LINGO2: variants seen among roughly 807,000 people sequenced by gnomAD.
LINGO2 encodes the protein leucine rich repeat and Ig domain containing 2, also known as leucine-rich repeat and immunoglobulin-like domain-containing nogo receptor-interacting protein 2.
Under a neutral mutation model 30.6 loss-of-function variants are expected in LINGO2, and 14 were observed. The ratio of observed to expected loss-of-function variants is 0.46; its 90% CI spans 0.30 to 0.72. The LOEUF (loss-of-function observed/expected upper bound fraction) is 0.72, where lower values mean the gene tolerates loss of function less well. LINGO2 is among the 30% of genes least tolerant of loss of function. The pLI, the probability that LINGO2 is intolerant of heterozygous loss-of-function variation, is 0.07. For missense variants in LINGO2, 729 were observed against 751.7 expected (o/e 0.97, Z 0.35); for synonymous variants, 317 against 288.5 (o/e 1.10, Z -1.00).
chr9:28,215,309 G>T (rs1278818896), intron 4 of LINGO2, among the ~76,000 whole-genome samples: 2 of 151,854 alleles, frequency 1.3e-5, no homozygotes, highest in African/African-American at 4.8e-5. Flanking sequence ...TAGTAGAAGG[G>T]AAAAGTGCTG....
the LINGO2 span, among the ~76,000 whole-genome samples, chr9:28,797,960 G>A: frequency 2.0e-3 from 306 of 152,112 alleles, 1 homozygote; most frequent in African/African-American, 7.0e-3. Flanking sequence ...TACCTTAGAA[G>A]CTCAATGAAG....
At chr9:28,821,588 G>A in the LINGO2 span, among the ~76,000 whole-genome samples, 7 of 152,164 alleles carry the variant, frequency 4.6e-5, no homozygotes, top group Non-Finnish European at 1.0e-4. Context: ...AGAACGTTGT[G>A]AAAAAGTACT....
At chr9:28,302,476 C>T (rs1488745977) in intron 3 of LINGO2, among the ~76,000 whole-genome samples, 1 of 152,148 alleles carries the variant, frequency 6.6e-6, no homozygotes, top group East Asian at 1.9e-4. Context: ...CTCAGGAGTT[C>T]GAGATCAGCC....
the LINGO2 span, among the ~76,000 whole-genome samples, chr9:29,173,502 T>A: frequency 6.6e-6 from 1 of 152,160 alleles, no homozygotes; most frequent in African/African-American, 2.4e-5. Flanking sequence ...CTTTGATCTC[T>A]GTGAGATTTT....
At chr9:28,928,114 C>A in the LINGO2 span, among the ~76,000 whole-genome samples, 1 of 152,286 alleles carries the variant, frequency 6.6e-6, no homozygotes, top group Non-Finnish European at 1.5e-5. Context: ...TCCAAGATTT[C>A]TTGTTTCACA....
chr9:28,349,213 G>A (rs1258784310), intron 3 of LINGO2, among the ~76,000 whole-genome samples: 1 of 151,968 alleles, frequency 6.6e-6, no homozygotes, highest in Non-Finnish European at 1.5e-5. Flanking sequence ...GCTACGGGAG[G>A]ACATTCAAAC....
chr9:28,906,321 A>C, the LINGO2 span, among the ~76,000 whole-genome samples: 155 of 152,122 alleles, frequency 1.0e-3, no homozygotes, highest in African/African-American at 3.5e-3. Flanking sequence ...ACAAAAAGTA[A>C]GTATGTGAGT....
At chr9:28,632,736 ATATT>A (rs1186476156) in intron 1 of LINGO2, among the ~76,000 whole-genome samples, 1 of 136,392 alleles carries the variant, frequency 7.3e-6, no homozygotes, top group African/African-American at 2.8e-5. Flanking sequence ...ATAGATCTAT[ATATT>A]TATATATAGA....
intron 4 of LINGO2, among the ~76,000 whole-genome samples, chr9:28,230,007 C>T (rs1821302309): frequency 6.6e-6 from 1 of 151,638 alleles, no homozygotes; most frequent in Non-Finnish European, 1.5e-5. Context: ...CAAACAAAAC[C>T]GACTTCTCAG....
intron 5 of LINGO2, among the ~76,000 whole-genome samples, chr9:28,010,166 C>T (rs1478363285): frequency 6.6e-6 from 1 of 152,078 alleles, no homozygotes; most frequent in African/African-American, 2.4e-5. Context: ...CATAAAATGT[C>T]CATAGAGGAA....
intron 5 of LINGO2, among the ~76,000 whole-genome samples, chr9:27,958,340 G>T (rs943971152): frequency 6.6e-6 from 1 of 151,946 alleles, no homozygotes; most frequent in Non-Finnish European, 1.5e-5. Context: ...ATATTTTTTG[G>T]AATTGTTCTG....
chr9:28,628,280 T>C (rs1179108352), intron 1 of LINGO2, among the ~76,000 whole-genome samples: 1 of 152,078 alleles, frequency 6.6e-6, no homozygotes, highest in African/African-American at 2.4e-5. Flanking sequence ...CTGCATATAA[T>C]ATATCTTTGA....
At chr9:28,618,754 C>T (rs1826253794) in intron 1 of LINGO2, among the ~76,000 whole-genome samples, 1 of 152,102 alleles carries the variant, frequency 6.6e-6, no homozygotes, top group Non-Finnish European at 1.5e-5. Flanking sequence ...CTAAAGGAGA[C>T]ACCAAGTTAC....
At chr9:28,815,219 T>C in the LINGO2 span, among the ~76,000 whole-genome samples, 1 of 152,168 alleles carries the variant, frequency 6.6e-6, no homozygotes, top group Non-Finnish European at 1.5e-5. Flanking sequence ...TTGTAAGTGA[T>C]AGGTGAGCGA....
chr9:28,501,131 A>G (rs949193040), intron 1 of LINGO2, among the ~76,000 whole-genome samples: 1 of 152,176 alleles, frequency 6.6e-6, no homozygotes, highest in African/African-American at 2.4e-5. Flanking sequence ...AAATATGTCA[A>G]ATTCATGCAA....
At chr9:28,883,628 G>GTGTGTGTGTGTA in the LINGO2 span, among the ~76,000 whole-genome samples, 1 of 64,180 alleles carries the variant, frequency 1.6e-5, no homozygotes, top group African/African-American at 5.8e-5. Flanking sequence ...ATGTGTGTGT[G>GTGTGTGTGTGTA]TATATATATA....
chr9:28,796,632 CATG>C, the LINGO2 span, among the ~76,000 whole-genome samples: 3 of 151,964 alleles, frequency 2.0e-5, no homozygotes, highest in South Asian at 4.1e-4. Flanking sequence ...AGATCCACAT[CATG>C]ATGATTTTTA....
intron 1 of LINGO2, among the ~76,000 whole-genome samples, chr9:28,525,442 CAA>C (rs1472931770): frequency 6.6e-6 from 1 of 151,958 alleles, no homozygotes; most frequent in African/African-American, 2.4e-5. Context: ...TAATGAAAAA[CAA>C]AATATGGTAT....
At chr9:28,031,353 GTTTTT>G (rs141386644) in intron 4 of LINGO2, among the ~76,000 whole-genome samples, 1 of 135,344 alleles carries the variant, frequency 7.4e-6, no homozygotes, top group African/African-American at 2.7e-5. Context: ...AAACAGGATG[GTTTTT>G]TTTTTTTTTT....
Sources: gnomAD v4.1 joint callset for allele counts (sites outside exome capture counted in the v4.1 genomes callset) on GRCh38, gnomAD v4.1.1 for gene constraint, MANE v1.5 for transcripts, NCBI Gene and HGNC (gene_info 2026-07-23, HGNC 2026-07-21) for gene names.